FREM3: variants seen among roughly 807,000 people sequenced by gnomAD.
FREM3 encodes the protein FRAS1-related extracellular matrix protein 3.
A neutral mutation model predicts 129.1 loss-of-function variants in FREM3; 105 were observed. The observed-to-expected ratio is 0.81, with a 90% CI of 0.69 to 0.96. The LOEUF (loss-of-function observed/expected upper bound fraction) is 0.96. Ranked by LOEUF, FREM3 falls within the 40% of genes least tolerant of loss-of-function variation. The pLI, the probability that FREM3 is intolerant of heterozygous loss-of-function variation, is 0.00. For missense variants in FREM3, 2,593 were observed against 2,666.3 expected, an observed-to-expected ratio of 0.97 and a Z score of 0.61; for synonymous variants, 1,014 against 1,044.9, an observed-to-expected ratio of 0.97 and a Z score of 0.57.
intron 2 of FREM3, among the ~76,000 whole-genome samples, chr4:143,664,132 C>T (rs1182739754): frequency 1.3e-5 from 2 of 152,154 alleles, no homozygotes; most frequent in African/African-American, 2.4e-5. Flanking sequence ...TGGTGAGGAA[C>T]TGCATTCCTT....
rs1235519800 is a variant in FREM3, at chr4:143,627,644, T to A, written c.5392A>T (p.Arg1798Ter). The change falls in exon 3 of 8, where the codon AGA becomes TGA. Residue 1798 changes from arginine (R) to a stop codon, truncating the protein, a stop_gained. Transcript: ENST00000329798. LOFTEE classifies it high-confidence loss of function. ...STFLEVTLTRRGYLGETSFIS... is the reference protein window; with the variant it reads ...STFLEVTLTR ...AATGATGTTTCTCCAAGGTATCCTCTGCGTGTAAGGGTCACTTCTAAGAAT... is the reference window on the plus strand; with the variant it reads ...AATGATGTTTCTCCAAGGTATCCTCAGCGTGTAAGGGTCACTTCTAAGAAT... 8.5e-6 allele frequency: 13 copies of A among 1,536,238 alleles called. No individual in the cohort carries two copies. Among genetic ancestry groups the A allele is most frequent in the Non-Finnish European group, 1.1e-5 (13 of 1,146,188 alleles).
At chr4:143,624,009 G>C in intron 4 of FREM3, 99 bp downstream of exon 4, 1 of 650,764 alleles carries the variant, frequency 1.5e-6, no homozygotes, top group Non-Finnish European at 2.7e-6. Flanking sequence ...GGATATGAAC[G>C]CATTTAGTGG....
At chr4:143,590,726 T>G (rs1738343900) in intron 6 of FREM3, among the ~76,000 whole-genome samples, 1 of 152,208 alleles carries the variant, frequency 6.6e-6, no homozygotes, top group Non-Finnish European at 1.5e-5. Flanking sequence ...CTGCCAGGCT[T>G]TGGTATCAGG....
At chr4:143,588,925 T>C (rs1738299908) in intron 6 of FREM3, among the ~76,000 whole-genome samples, 1 of 151,600 alleles carries the variant, frequency 6.6e-6, no homozygotes, top group Admixed American at 6.6e-5. Context: ...GACTTTTTAA[T>C]GATCACCATT....
chr4:143,659,681 A>G (rs1739669000), intron 2 of FREM3, among the ~76,000 whole-genome samples: 1 of 71,226 alleles, frequency 1.4e-5, no homozygotes. Flanking sequence ...TGGTTGAACT[A>G]GTTTACAGTC....
intron 6 of FREM3, among the ~76,000 whole-genome samples, chr4:143,595,208 A>G (rs1216137844): frequency 6.6e-6 from 1 of 152,234 alleles, no homozygotes; most frequent in East Asian, 1.9e-4. Flanking sequence ...AAAATGGAAG[A>G]TAGGAAAATA....
chr4:143,631,366 C>A (rs1256530635), intron 2 of FREM3, among the ~76,000 whole-genome samples: 2 of 151,128 alleles, frequency 1.3e-5, no homozygotes, highest in African/African-American at 4.9e-5. Flanking sequence ...TTTGTTTATA[C>A]AGAGTCTTGC....
At chr4:143,658,720 C>T (rs888759787) in intron 2 of FREM3, among the ~76,000 whole-genome samples, 2 of 152,190 alleles carry the variant, frequency 1.3e-5, no homozygotes, top group Non-Finnish European at 1.5e-5. Context: ...TTCTTTTAAG[C>T]TCATCAGCTA....
rs977069333 is a variant in FREM3 at position 143,624,196 on chromosome 4, C to T, written c.5565G>A (p.Glu1855=). The change falls in exon 4 of 8, where the codon GAG becomes GAA. Residue 1855 remains glutamate, a synonymous_variant. Coordinates refer to ENST00000329798, the MANE Select transcript of FREM3 (RefSeq NM_001168235.2). The stretch of plus-strand genomic sequence containing the variant: ...GTTCAGACAGAATGATCTGGAAGGT[C>T]TCTGAAGTCTCATATTCATTGTCAG... ...IIPDNEYETS[E]TFQIILSEPL... 3.3e-6 allele frequency: 5 copies of T among 1,536,848 alleles called. No homozygotes were observed. Among genetic ancestry groups the T allele is most frequent in the Admixed American group, 3.9e-5 (2 of 50,992 alleles).
At chr4:143,663,358 G>T (rs892456658) in intron 2 of FREM3, among the ~76,000 whole-genome samples, 1 of 152,062 alleles carries the variant, frequency 6.6e-6, no homozygotes, top group Non-Finnish European at 1.5e-5. Context: ...AGTTTAGCTG[G>T]ATATGAAATT....
At chr4:143,621,477 T>C (rs370575325) in intron 4 of FREM3, among the ~76,000 whole-genome samples, 1 of 152,242 alleles carries the variant, frequency 6.6e-6, no homozygotes, top group East Asian at 1.9e-4. Flanking sequence ...TAAATGGAGA[T>C]CACATATTTA....
chr4:143,662,165 C>A (rs747587503), intron 2 of FREM3, among the ~76,000 whole-genome samples: 1 of 151,998 alleles, frequency 6.6e-6, no homozygotes, highest in Non-Finnish European at 1.5e-5. Flanking sequence ...TTTTCTAGTT[C>A]TTTAATTGTG....
At chr4:143,691,500 T>C (rs1740469981) in intron 2 of FREM3, among the ~76,000 whole-genome samples, 1 of 152,208 alleles carries the variant, frequency 6.6e-6, no homozygotes, top group South Asian at 2.1e-4. Flanking sequence ...ACTCCAGAAC[T>C]GTAAGATGAC....
intron 2 of FREM3, among the ~76,000 whole-genome samples, chr4:143,660,737 T>C (rs6537163): frequency 6.6e-6 from 1 of 151,474 alleles, no homozygotes; most frequent in Non-Finnish European, 1.5e-5. Context: ...TTTTCCATTT[T>C]TTTGTATCCT....
At position 143,662,942 on chromosome 4, in the gene FREM3, C is replaced by T. The variant is rs187563538; in HGVS notation, c.5275+30171G>A. On this transcript the variant is annotated intron_variant, in intron 2 of 7. Coordinates refer to ENST00000329798, the MANE Select transcript of FREM3 (RefSeq NM_001168235.2). Reference sequence around the variant, plus strand: ...TTTGTTTTCCATTTGCTTGGTAGATCTTCCTCCATCCTTTTATTTTGAGCC... The same window carrying T: ...TTTGTTTTCCATTTGCTTGGTAGATTTTCCTCCATCCTTTTATTTTGAGCC... Among the ~76,000 whole-genome samples the T allele has an allele frequency of 7.6e-3, 1,153 of 152,096 alleles. 23 individuals carry two copies. The highest frequency in any genetic ancestry group is 0.027 in the African/African-American group (1,103 of 41,496).
At chr4:143,632,551 A>G (rs1739159722) in intron 2 of FREM3, among the ~76,000 whole-genome samples, 2 of 152,162 alleles carry the variant, frequency 1.3e-5, no homozygotes, top group African/African-American at 4.8e-5. Context: ...ATCAGTACCT[A>G]TCAATCAGTA....
chr4:143,609,734 T>A (rs113602868), intron 6 of FREM3, among the ~76,000 whole-genome samples: 2,274 of 152,312 alleles, frequency 0.015, 50 homozygotes, highest in African/African-American at 0.052. Context: ...CTCAATTTGC[T>A]CTTCATATTA....
chr4:143,663,260 C>T (rs973048947), intron 2 of FREM3, among the ~76,000 whole-genome samples: 1 of 152,038 alleles, frequency 6.6e-6, no homozygotes, highest in Non-Finnish European at 1.5e-5. Context: ...CCTTCAGGAG[C>T]TCTTTTAGGG....
intron 4 of FREM3, among the ~76,000 whole-genome samples, chr4:143,622,203 C>T (rs368346078): frequency 7.9e-5 from 12 of 151,592 alleles, no homozygotes; most frequent in East Asian, 7.8e-4. Context: ...AAGCAACTCT[C>T]GTGCCTCAGC....
Sources: gnomAD v4.1 joint callset for allele counts (sites outside exome capture counted in the v4.1 genomes callset) on GRCh38, gnomAD v4.1.1 for gene constraint, MANE v1.5 for transcripts, NCBI Gene and HGNC (gene_info 2026-07-23, HGNC 2026-07-21) for gene names.